The following PSAP variants were observed in gnomAD, a reference collection of about 807,000 sequenced individuals.
PSAP encodes the protein precursor of saposins.
In PSAP, 25 loss-of-function variants were observed where a neutral mutation model predicts 66.0. That is an observed-to-expected ratio of 0.38 (90% CI 0.28 to 0.53). The LOEUF (loss-of-function observed/expected upper bound fraction) is 0.53, where lower values mean the gene tolerates loss of function less well. PSAP is among the 20% of genes least tolerant of loss of function. The pLI, the probability that PSAP is intolerant of heterozygous loss-of-function variation, is 0.83. For synonymous variants in PSAP, 273 were observed against 258.9 expected (o/e 1.05, Z -0.52); for missense variants, 649 against 668.8 (o/e 0.97, Z 0.33).
At chr10:71,836,504 G>C (rs1165788780) in intron 1 of PSAP, among the ~76,000 whole-genome samples, 1 of 152,120 alleles carries the variant, frequency 6.6e-6, no homozygotes, top group African/African-American at 2.4e-5. Context: ...AAGGACCCAT[G>C]ATGACACCAT....
chr10:71,838,885 G>A (rs1175145195), intron 1 of PSAP, among the ~76,000 whole-genome samples: 1 of 152,162 alleles, frequency 6.6e-6, no homozygotes, highest in East Asian at 1.9e-4. Flanking sequence ...GTGGTGGGCT[G>A]AACTAAAAGA....
chr10:71,838,757 GAA>G (rs1318519954), intron 1 of PSAP, among the ~76,000 whole-genome samples: 1 of 151,510 alleles, frequency 6.6e-6, no homozygotes, highest in Non-Finnish European at 1.5e-5. Context: ...GCCTGTCTCA[GAA>G]AAAAAAGAGA....
intron 1 of PSAP, among the ~76,000 whole-genome samples, chr10:71,835,223 T>A (rs1334496191): frequency 1.7e-4 from 6 of 35,136 alleles, no homozygotes; most frequent in African/African-American, 3.7e-4. Flanking sequence ...TTTCAAAAAA[T>A]AAATAAATAA....
intron 1 of PSAP, among the ~76,000 whole-genome samples, chr10:71,850,593 C>A (rs974179438): frequency 6.6e-6 from 1 of 152,224 alleles, no homozygotes; most frequent in Non-Finnish European, 1.5e-5. Context: ...TGTCACGGGC[C>A]ATGGTCACTC....
chr10:71,817,984 CT>C (rs1842209906), intron 13 of PSAP, among the ~76,000 whole-genome samples: 1 of 152,234 alleles, frequency 6.6e-6, no homozygotes, highest in African/African-American at 2.4e-5. Flanking sequence ...CCCCCTGCCC[CT>C]CCCTGCAGTG....
intron 8 of PSAP, 59 bp downstream of exon 8, chr10:71,821,817 A>C: frequency 3.1e-6 from 5 of 1,609,630 alleles, no homozygotes; most frequent in Non-Finnish European, 4.3e-6. Context: ...GATGTGACAC[A>C]GCAGGGAGTA....
rs1564812878 is a variant in PSAP, at chr10:71,816,668, C to A, written c.*773G>T. The A allele has an allele frequency of 2.9e-6, 1 of 347,320 alleles. No homozygotes were observed. The highest frequency in any genetic ancestry group is 2.1e-5 in the South Asian group (1 of 46,970). The allele number at this position is 347,320 out of a possible 1,614,324, so 21.5% of individuals were successfully genotyped here. A position where few individuals can be genotyped will look rare whatever the true frequency, so the allele number is the denominator to read the frequency against. On this transcript the variant is annotated 3_prime_UTR_variant, in exon 14 of 14. Coordinates refer to ENST00000394936, the MANE Select transcript of PSAP (RefSeq NM_002778.4). ...GTAGGCAACACGAGCAGGCACAGCG[C>A]GGCCACCACTGTCCACACGCTCACA...
At chr10:71,834,226 G>A in intron 2 of PSAP, 146 bp downstream of exon 2, 1 of 1,330,510 alleles carries the variant, frequency 7.5e-7, no homozygotes, top group East Asian at 2.4e-5. Flanking sequence ...TCACCAATAG[G>A]TCCTGCCTCC....
At chr10:71,845,284 A>AGGAAAAAGACCTAAC (rs2133067344) in intron 1 of PSAP, among the ~76,000 whole-genome samples, 1 of 152,324 alleles carries the variant, frequency 6.6e-6, no homozygotes, top group East Asian at 1.9e-4. Flanking sequence ...CATGTATGGA[A>AGGAAAAAGACCTAAC]GGAAAAAGAC....
chr10:71,833,594 C>T (rs2133051769), intron 2 of PSAP, among the ~76,000 whole-genome samples: 1 of 152,306 alleles, frequency 6.6e-6, no homozygotes, highest in East Asian at 1.9e-4. Flanking sequence ...TTTTAGAACC[C>T]AAAGTCCACT....
At chr10:71,848,100 C>T (rs565175638) in intron 1 of PSAP, among the ~76,000 whole-genome samples, 2 of 152,318 alleles carry the variant, frequency 1.3e-5, no homozygotes, top group South Asian at 2.1e-4. Context: ...CAGCAATACC[C>T]TCCATGATCC....
intron 1 of PSAP, among the ~76,000 whole-genome samples, chr10:71,837,985 T>G (rs949129830): frequency 1.3e-5 from 2 of 151,928 alleles, no homozygotes; most frequent in Middle Eastern, 3.2e-3. Flanking sequence ...CACCCTAAGG[T>G]GAGGGCTCAA....
chr10:71,836,092 C>A (rs1363894209), intron 1 of PSAP, among the ~76,000 whole-genome samples: 1 of 152,182 alleles, frequency 6.6e-6, no homozygotes, highest in Non-Finnish European at 1.5e-5. Flanking sequence ...CCTTCAGACA[C>A]AAGCAAATGA....
At chr10:71,841,319 A>G (rs745935134) in intron 1 of PSAP, among the ~76,000 whole-genome samples, 84 of 152,272 alleles carry the variant, frequency 5.5e-4, no homozygotes, top group Non-Finnish European at 1.1e-3. Context: ...AAACCTCATT[A>G]AAGAAATTCA....
Position 71,823,533 on chromosome 10 carries a change from T to C in PSAP, c.778-1526A>G, listed in dbSNP as rs548016734. On this transcript the variant is annotated intron_variant, in intron 7 of 13. Coordinates refer to ENST00000394936, the MANE Select transcript of PSAP (RefSeq NM_002778.4). ...CCAGACCTACACTGGACTTCCTAACTGGCCTACGTTGAAGGAGGCTGAGGC... is the reference window on the plus strand; with the variant it reads ...CCAGACCTACACTGGACTTCCTAACCGGCCTACGTTGAAGGAGGCTGAGGC... 1.3e-4 allele frequency among the ~76,000 whole-genome samples: 20 copies of C among 152,330 alleles called. No individual in the cohort carries two copies. The South Asian group carries it at 4.1e-3, about 32-fold the overall frequency.
chr10:71,827,985 T>C, intron 6 of PSAP, 29 bp downstream of exon 6: 1 of 1,613,704 alleles, frequency 6.2e-7, no homozygotes, highest in Non-Finnish European at 8.5e-7. Context: ...GCCCAGAACA[T>C]CCCCAATGCA....
intron 1 of PSAP, among the ~76,000 whole-genome samples, chr10:71,846,303 C>T (rs1463446555): frequency 5.3e-5 from 8 of 151,230 alleles, no homozygotes; most frequent in Non-Finnish European, 1.2e-4. Context: ...TACAAAATTA[C>T]AAATGCCACA....
rs1040901231 is a variant in PSAP at position 71,821,930 on chromosome 10, G to C, written c.855C>G (p.Ala285=). 1.2e-6 allele frequency: 2 copies of C among 1,614,216 alleles called. No individual in the cohort carries two copies. The highest frequency in any genetic ancestry group is 1.7e-5 in the Admixed American group (1 of 60,034). ...KEMPMQTLVP[A]KVASKNVIPA... ...GGATGACATTCTTGGAGGCCACTTTGGCGGGGACCAGAGTCTGCATGGGCA... is the reference window on the plus strand; with the variant it reads ...GGATGACATTCTTGGAGGCCACTTTCGCGGGGACCAGAGTCTGCATGGGCA... Residue 285 remains alanine (A), a synonymous_variant, in exon 8 of 14, where the codon GCC becomes GCG. Coordinates refer to ENST00000394936, the MANE Select transcript of PSAP (RefSeq NM_002778.4).
intron 8 of PSAP, 71 bp downstream of exon 8, chr10:71,821,805 G>A: frequency 4.4e-6 from 7 of 1,600,498 alleles, no homozygotes; most frequent in Non-Finnish European, 6.0e-6. Context: ...CTCGTAAGAT[G>A]TGATGTGACA....
Sources: gnomAD v4.1 joint callset for allele counts (sites outside exome capture counted in the v4.1 genomes callset) on GRCh38, gnomAD v4.1.1 for gene constraint, MANE v1.5 for transcripts, NCBI Gene and HGNC (gene_info 2026-07-23, HGNC 2026-07-21) for gene names.